The following EP400 variants were observed in gnomAD, a reference collection of about 807,000 sequenced individuals.
EP400 encodes the protein E1A-binding protein p400.
EP400 carries 105 observed loss-of-function variants against 354.1 expected under a neutral mutation model. The ratio of observed to expected loss-of-function variants is 0.30; its 90% confidence interval spans 0.25 to 0.35. The LOEUF is 0.35. Ranked by LOEUF, EP400 falls within the 10% of genes least tolerant of loss-of-function variation. The pLI is 1.00. For synonymous variants in EP400, 1,646 were observed against 1,716.9 expected, an observed-to-expected ratio of 0.96 and a Z score of 1.02; for missense variants, 3,280 against 4,121.0, an observed-to-expected ratio of 0.80 and a Z score of 5.59.
chr12:132,019,163 G>A (rs1162647688), intron 21 of EP400, among the ~76,000 whole-genome samples: 1 of 152,192 alleles, frequency 6.6e-6, no homozygotes, highest in African/African-American at 2.4e-5. Context: ...ACCCATTCCA[G>A]TGGGTGCTAG....
intron 45 of EP400, among the ~76,000 whole-genome samples, chr12:132,059,736 T>C (rs1211338089): frequency 6.6e-6 from 1 of 152,170 alleles, no homozygotes; most frequent in Middle Eastern, 3.2e-3. Context: ...GCTTTCAGGC[T>C]GGGCGTGGTG....
chr12:131,999,851 C>G (rs1893346682), intron 12 of EP400, among the ~76,000 whole-genome samples: 1 of 152,110 alleles, frequency 6.6e-6, no homozygotes, highest in African/African-American at 2.4e-5. Flanking sequence ...TATTGGCATA[C>G]ATTGTCAATA....
In EP400 at chr12:132,030,333, C is replaced by T. The variant is rs552851345; in HGVS notation, c.5754+175C>T. Among the ~76,000 whole-genome samples the T allele has an allele frequency of 1.0e-3, 157 of 152,238 alleles. 1 individual carries two copies. Among genetic ancestry groups the T allele is most frequent in the Non-Finnish European group, 1.7e-3 (118 of 68,024 alleles). Reference sequence around the variant, plus strand: ...TCCTTCGATATTTTTTATTAAAAGCCACGTTGTTAGGTAAATGCAGTCTTG... The same window carrying T: ...TCCTTCGATATTTTTTATTAAAAGCTACGTTGTTAGGTAAATGCAGTCTTG... On this transcript the variant is annotated intron_variant, in intron 29 of 52. Coordinates refer to ENST00000389561, the MANE Select transcript of EP400 (RefSeq NM_015409.5).
intron 34 of EP400, 139 bp downstream of exon 34, chr12:132,043,867 A>G (rs1894994657): frequency 2.3e-6 from 2 of 875,036 alleles, no homozygotes; most frequent in Non-Finnish European, 3.5e-6. Flanking sequence ...CTTAAAATGA[A>G]GAGAGTCTCG....
In EP400 at chr12:132,025,691, G is replaced by A. The variant is rs773553146; in HGVS notation, c.4901G>A (p.Arg1634Gln). The A allele has an allele frequency of 1.9e-5, 30 of 1,613,050 alleles. No individual in the cohort carries two copies. The highest frequency in any genetic ancestry group is 2.5e-5 in the Non-Finnish European group (30 of 1,179,676). The change falls in exon 25 of 53, where the codon CGA becomes CAA. Residue 1634 changes from arginine (R) to glutamine (Q), a missense_variant. Transcript: ENST00000389561. This position sits in a 1 kb window ranked among gnomAD's most constrained non-coding sequence, Gnocchi z 4.1. ...TCCGCCCCCGGGCAGCCCTACCTTCGAGCCCCTGGCCCTGTGGTGATGCAG... is the reference window on the plus strand; with the variant it reads ...TCCGCCCCCGGGCAGCCCTACCTTCAAGCCCCTGGCCCTGTGGTGATGCAG... ...IVSAPGQPYL[R>Q]APGPVVMQTV...
At chr12:132,008,444 A>G (rs1893657576) in intron 15 of EP400, among the ~76,000 whole-genome samples, 2 of 152,182 alleles carry the variant, frequency 1.3e-5, no homozygotes, top group Admixed American at 6.5e-5. Flanking sequence ...CGTGTCACAC[A>G]GTTTAGATGT....
At chr12:132,022,569 C>G (rs779336969) in intron 23 of EP400, among the ~76,000 whole-genome samples, 1 of 151,952 alleles carries the variant, frequency 6.6e-6, no homozygotes, top group Non-Finnish European at 1.5e-5. Context: ...CAGTTGTAGC[C>G]GGAAGGTAGT....
At chr12:132,031,069 A>C (rs774513197) in intron 29 of EP400, among the ~76,000 whole-genome samples, 6 of 152,238 alleles carry the variant, frequency 3.9e-5, no homozygotes, top group Non-Finnish European at 7.3e-5. Context: ...ATTATAGCAA[A>C]TTATCTGTAG....
chr12:132,023,285 A>G (rs898670061), intron 23 of EP400, among the ~76,000 whole-genome samples: 1 of 124,284 alleles, frequency 8.0e-6, no homozygotes, highest in Non-Finnish European at 1.6e-5. Flanking sequence ...GGCGCCCACC[A>G]CCATGCCCAG....
chr12:131,969,856 C>T (rs1170738789), intron 2 of EP400, among the ~76,000 whole-genome samples: 1 of 152,142 alleles, frequency 6.6e-6, no homozygotes, highest in Non-Finnish European at 1.5e-5. Context: ...AAGAGACCAT[C>T]CTGGCCAACA....
chr12:131,999,728 G>A (rs1159491758), intron 12 of EP400, among the ~76,000 whole-genome samples: 2 of 152,072 alleles, frequency 1.3e-5, no homozygotes, highest in Admixed American at 6.6e-5. Flanking sequence ...CTGAGCCACC[G>A]TGCCTGGCCC....
intron 9 of EP400, 113 bp from the exon 10 acceptor site, chr12:131,991,294 T>C (rs1893026084): frequency 1.0e-6 from 1 of 993,590 alleles, no homozygotes; most frequent in African/African-American, 1.6e-5. Context: ...AACTCACGCG[T>C]CCTTCCTTTC....
At chr12:131,993,632 T>G (rs1893113955) in intron 11 of EP400, among the ~76,000 whole-genome samples, 1 of 152,230 alleles carries the variant, frequency 6.6e-6, no homozygotes, top group Non-Finnish European at 1.5e-5. Context: ...CTGGACAATT[T>G]TGTTGTTATG....
At chr12:132,066,736 G>C (rs751585713) in intron 48 of EP400, 38 bp from the exon 49 acceptor site, 17 of 1,585,490 alleles carry the variant, frequency 1.1e-5, no homozygotes, top group South Asian at 2.3e-5. Context: ...ACCGTGTCCT[G>C]AATTTCTCTG....
At chr12:132,003,260 A>G (rs1014722856) in intron 12 of EP400, among the ~76,000 whole-genome samples, 4 of 152,166 alleles carry the variant, frequency 2.6e-5, no homozygotes, top group Admixed American at 1.3e-4. Flanking sequence ...CAGTACAACA[A>G]TTACAAAAAA....
At position 132,028,302 on chromosome 12, in the gene EP400, C is replaced by T. The variant is rs370123350; in HGVS notation, c.5381+14C>T. Reference sequence around the variant, plus strand: ...TGTTATTGACAGGTACTGCAGACCTCGTGACCTTTTCGGTGCTCTCTGGCT... The same window carrying T: ...TGTTATTGACAGGTACTGCAGACCTTGTGACCTTTTCGGTGCTCTCTGGCT... On this transcript the variant is annotated intron_variant, in intron 27 of 52. Transcript: ENST00000389561. 57 of 1,606,028 alleles carry T rather than the reference C, an allele frequency of 3.5e-5. No homozygotes were observed. Among genetic ancestry groups the T allele is most frequent in the Admixed American group, 5.0e-5 (3 of 59,898 alleles).
chr12:132,002,709 A>C (rs1893457425), intron 12 of EP400, among the ~76,000 whole-genome samples: 1 of 152,292 alleles, frequency 6.6e-6, no homozygotes, highest in African/African-American at 2.4e-5. Context: ...TTTGTAGCTG[A>C]GTCTTGGAAG....
At chr12:131,985,955 A>G (rs1335629246) in intron 5 of EP400, among the ~76,000 whole-genome samples, 3 of 152,136 alleles carry the variant, frequency 2.0e-5, no homozygotes, top group Non-Finnish European at 4.4e-5. Context: ...TGAGAGAGGC[A>G]CACTGAATTT....
At chr12:131,955,019 T>G (rs1255079442) in intron 1 of EP400, among the ~76,000 whole-genome samples, 2 of 152,088 alleles carry the variant, frequency 1.3e-5, no homozygotes, top group Non-Finnish European at 2.9e-5. Context: ...TGAGACCTTA[T>G]GTCAAAAAAA....
Sources: allele counts gnomAD v4.1 joint callset (sites outside exome capture counted in the v4.1 genomes callset), GRCh38; gene constraint gnomAD v4.1.1; non-coding constraint Gnocchi (gnomAD v3.1); transcripts MANE v1.5; gene names NCBI Gene and HGNC (gene_info 2026-07-23, HGNC 2026-07-21).